SMYD3: variants seen among roughly 807,000 people sequenced by gnomAD.
SMYD3 encodes SET and MYND domain containing 3, also known as histone-lysine N-methyltransferase SMYD3.
In SMYD3, 36 loss-of-function variants were observed where a neutral mutation model predicts 57.7. That is an observed-to-expected ratio of 0.62 (90% CI 0.48 to 0.82). The LOEUF (loss-of-function observed/expected upper bound fraction) is 0.82, where lower values mean the gene tolerates loss of function less well. Ranked by LOEUF, SMYD3 falls within the 40% of genes least tolerant of loss-of-function variation. The probability of loss-of-function intolerance (pLI) is 0.00; values close to 1 mark genes in which losing one functional copy is unlikely to be tolerated. For missense variants in SMYD3, 515 were observed against 538.8 expected (o/e 0.96, Z 0.44); for synonymous variants, 211 against 195.0 (o/e 1.08, Z -0.68).
intron 1 of SMYD3, among the ~76,000 whole-genome samples, chr1:246,494,992 A>G (rs955554696): frequency 6.6e-6 from 1 of 152,186 alleles, no homozygotes; most frequent in African/African-American, 2.4e-5. Flanking sequence ...GTCAGTGAAG[A>G]TGGAAAAGAA....
intron 5 of SMYD3, among the ~76,000 whole-genome samples, chr1:246,086,015 A>G (rs576695079): frequency 1.1e-4 from 17 of 151,664 alleles, no homozygotes; most frequent in Non-Finnish European, 2.4e-4. Flanking sequence ...TGCTTGAACA[A>G]TGTACAAGAA....
At chr1:245,995,408 G>C (rs1037607656) in intron 5 of SMYD3, among the ~76,000 whole-genome samples, 4 of 152,194 alleles carry the variant, frequency 2.6e-5, no homozygotes, top group African/African-American at 9.6e-5. Context: ...CTGAGAAATG[G>C]AGAACAGTAA....
intron 5 of SMYD3, among the ~76,000 whole-genome samples, chr1:246,138,453 T>C (rs1163264156): frequency 6.8e-6 from 1 of 147,256 alleles, no homozygotes; most frequent in Non-Finnish European, 1.5e-5. Context: ...TGAGACGGAG[T>C]CTCGCTCTGT....
At chr1:246,245,083 C>A (rs1267158151) in intron 5 of SMYD3, among the ~76,000 whole-genome samples, 1 of 148,254 alleles carries the variant, frequency 6.7e-6, no homozygotes, top group Non-Finnish European at 1.5e-5. Flanking sequence ...AGAACCTGAA[C>A]TCCATAGAGT....
Position 246,373,104 on chromosome 1 carries a change from T to TA in SMYD3, c.165-18011dup, listed in dbSNP as rs897558607. ...GTAAAATTAAGTTTTTTCAATGTAT[T>TA]AAAAAAAAGACTGAAAAGAAATAGA... On this transcript the variant is annotated intron_variant, in intron 1 of 11. Transcript: ENST00000490107. 6.6e-5 allele frequency among the ~76,000 whole-genome samples: 10 copies of TA among 152,040 alleles called. No homozygotes were observed. In the East Asian group the frequency reaches 7.7e-4, roughly 12 times the overall value.
Position 246,481,774 on chromosome 1 carries a change from T to C in SMYD3, c.164+25280A>G, listed in dbSNP as rs138016738. ...TATGATTATGTGTATCCATAGAAGATATATATATATAGAGAGAGAGAGATC... is the reference window on the plus strand; with the variant it reads ...TATGATTATGTGTATCCATAGAAGACATATATATATAGAGAGAGAGAGATC... On this transcript the variant is annotated intron_variant, in intron 1 of 11. Coordinates refer to ENST00000490107, the MANE Select transcript of SMYD3 (RefSeq NM_001167740.2). Among the ~76,000 whole-genome samples the C allele has an allele frequency of 9.0e-3, 1,239 of 136,962 alleles. 13 individuals carry two copies. Among genetic ancestry groups the C allele is most frequent in the African/African-American group, 0.037 (1,180 of 32,196 alleles). 89.9% of individuals were successfully genotyped at this position (136,962 alleles called of 152,430 possible).
chr1:246,147,120 G>A (rs1313969203), intron 5 of SMYD3, among the ~76,000 whole-genome samples: 1 of 152,200 alleles, frequency 6.6e-6, no homozygotes, highest in African/African-American at 2.4e-5. Flanking sequence ...GAGTCCATAT[G>A]TTCGCTGGTC....
chr1:245,818,342 G>A (rs962259484), intron 10 of SMYD3, among the ~76,000 whole-genome samples: 49 of 151,834 alleles, frequency 3.2e-4, no homozygotes, highest in African/African-American at 1.0e-3. Flanking sequence ...ACAAGCAAAT[G>A]CTGAGAGATT....
intron 5 of SMYD3, among the ~76,000 whole-genome samples, chr1:246,241,104 C>T (rs1021157449): frequency 5.3e-5 from 8 of 151,912 alleles, no homozygotes; most frequent in African/African-American, 1.9e-4. Flanking sequence ...GCCTGATTGC[C>T]CTGGCCAGAA....
intron 5 of SMYD3, among the ~76,000 whole-genome samples, chr1:246,121,632 C>A (rs530374889): frequency 2.2e-4 from 34 of 152,222 alleles, no homozygotes; most frequent in African/African-American, 8.2e-4. Context: ...ATCTCTCTTT[C>A]ATGTCCTAAA....
chr1:246,160,385 C>T (rs1197350582), intron 5 of SMYD3, among the ~76,000 whole-genome samples: 1 of 152,028 alleles, frequency 6.6e-6, no homozygotes, highest in Non-Finnish European at 1.5e-5. Flanking sequence ...GGTGAAAATT[C>T]ATATTAGTGG....
intron 5 of SMYD3, among the ~76,000 whole-genome samples, chr1:245,938,179 C>G (rs6704176): frequency 0.017 from 2,589 of 152,334 alleles, 72 homozygotes; most frequent in African/African-American, 0.058. Context: ...TGCCTGACAT[C>G]TCAGGGAGTG....
rs781548112 is a variant in SMYD3 at position 246,507,166 on chromosome 1, G to A, written c.52C>T (p.Leu18=). 3.3e-6 allele frequency: 5 copies of A among 1,532,366 alleles called. No homozygotes were observed. In the African/African-American group the frequency reaches 5.7e-5, roughly 17 times the overall value. The allele number at this position is 1,532,366 out of a possible 1,614,324, so 94.9% of individuals were successfully genotyped here. ...KFATAKRGNG[L]RAVTPLRPGE... is the part of the protein sequence containing the mutation. ...GGGCGCAGCGGGGTCACGGCGCGCA[G>A]CCCGTTTCCCCTCTTGGCGGTTGCG... The change falls in exon 1 of 12, where the codon CTG becomes TTG. Residue 18 remains leucine (L), a synonymous_variant. Coordinates refer to ENST00000490107, the MANE Select transcript of SMYD3 (RefSeq NM_001167740.2).
intron 5 of SMYD3, among the ~76,000 whole-genome samples, chr1:246,315,903 C>T (rs1225579357): frequency 1.3e-5 from 2 of 152,220 alleles, no homozygotes; most frequent in Non-Finnish European, 2.9e-5. Context: ...TTATTTTCCA[C>T]ATCAAATGGC....
rs749549951 is a variant in SMYD3 at position 246,061,543 on chromosome 1, C to T, written c.532-131606G>A. Among the ~76,000 whole-genome samples, 24 of 151,340 alleles carry T rather than the reference C, an allele frequency of 1.6e-4. 1 individual carries two copies. The highest frequency in any genetic ancestry group is 3.9e-4 in the African/African-American group (16 of 41,252). On this transcript the variant is annotated intron_variant, in intron 5 of 11. Coordinates refer to ENST00000490107, the MANE Select transcript of SMYD3 (RefSeq NM_001167740.2). ...GACCAGCCTGGGCAACACAGCAAGA[C>T]GCCATCTCTACTTAAAAAAAAAAAA...
At chr1:245,984,549 G>C (rs1008158225) in intron 5 of SMYD3, among the ~76,000 whole-genome samples, 3 of 152,124 alleles carry the variant, frequency 2.0e-5, no homozygotes, top group Non-Finnish European at 4.4e-5. Flanking sequence ...CACCCAGAAG[G>C]CTCATTGAAA....
At chr1:246,495,149 A>C (rs1026943331) in intron 1 of SMYD3, among the ~76,000 whole-genome samples, 1 of 152,032 alleles carries the variant, frequency 6.6e-6, no homozygotes, top group Non-Finnish European at 1.5e-5. Flanking sequence ...GGAGATCGAG[A>C]CCATCCTGGC....
At chr1:246,023,037 C>T (rs1398142720) in intron 5 of SMYD3, among the ~76,000 whole-genome samples, 1 of 152,278 alleles carries the variant, frequency 6.6e-6, no homozygotes, top group East Asian at 1.9e-4. Flanking sequence ...TACCACCGAA[C>T]TTCTCTACCA....
intron 5 of SMYD3, among the ~76,000 whole-genome samples, chr1:246,230,795 G>A (rs2063397841): frequency 3.9e-5 from 6 of 152,224 alleles, no homozygotes; most frequent in Admixed American, 3.9e-4. Context: ...CTGTTGAGCA[G>A]TTGAAATGTG....
Sources: allele counts gnomAD v4.1 joint callset (sites outside exome capture counted in the v4.1 genomes callset), GRCh38; gene constraint gnomAD v4.1.1; transcripts MANE v1.5; gene names NCBI Gene and HGNC (gene_info 2026-07-23, HGNC 2026-07-21).